RIPOR3: variants seen among roughly 807,000 people sequenced by gnomAD.
The protein encoded by RIPOR3 is RIPOR family member 3.
In RIPOR3, 95 loss-of-function variants were observed where a neutral mutation model predicts 114.3. That is an observed-to-expected ratio of 0.83 (90% CI 0.70 to 0.99). The LOEUF is 0.99. RIPOR3 is among the 50% of genes least tolerant of loss of function. The pLI, the probability that RIPOR3 is intolerant of heterozygous loss-of-function variation, is 0.00. For synonymous variants in RIPOR3, 575 were observed against 543.8 expected, an observed-to-expected ratio of 1.06 and a Z score of -0.80; for missense variants, 1,252 against 1,266.9, an observed-to-expected ratio of 0.99 and a Z score of 0.18.
In RIPOR3 at chr20:50,609,321, G is replaced by T; in HGVS notation, c.612C>A (p.His204Gln). Residue 204 changes from histidine to glutamine, a missense_variant, in exon 8 of 22, where the codon CAC becomes CAA. His to Gln is a conservative substitution (Grantham distance 24). Coordinates refer to ENST00000327979, the MANE Select transcript of RIPOR3 (RefSeq NM_001290268.2). ...MWLIEGALEV[H>Q]LGEFHIRMKG... is the part of the protein sequence containing the mutation. The stretch of plus-strand genomic sequence containing the variant: ...TCATCCTGATGTGGAACTCGCCCAG[G>T]TGAACCTCCAGGGCCCCCTCGATGA... 1 of 1,613,928 alleles carries T rather than the reference G, an allele frequency of 6.2e-7. No individual in the cohort carries two copies.
chr20:50,666,759 C>T (rs1164784172), intron 1 of RIPOR3, among the ~76,000 whole-genome samples: 1 of 151,808 alleles, frequency 6.6e-6, no homozygotes, highest in Non-Finnish European at 1.5e-5. Context: ...TGGGGTTTCA[C>T]CATGTTGGCC....
At chr20:50,613,051 C>T (rs573695821) in intron 4 of RIPOR3, among the ~76,000 whole-genome samples, 3 of 152,296 alleles carry the variant, frequency 2.0e-5, no homozygotes, top group East Asian at 3.9e-4. Context: ...TATGATCGTA[C>T]CACTGCACTT....
At position 50,602,815 on chromosome 20, in the gene RIPOR3, CT is replaced by C. The variant is rs2083555443; in HGVS notation, c.1087-172del. ...AGGTGCAGAAAAAACCCTGTCCCCTCTCTGCACTTATCCCCCATCCCGCCTC... is the reference window on the plus strand; with the variant it reads ...AGGTGCAGAAAAAACCCTGTCCCCTCCTGCACTTATCCCCCATCCCGCCTC... On this transcript the variant is annotated intron_variant, in intron 12 of 21. Coordinates refer to ENST00000327979, the MANE Select transcript of RIPOR3 (RefSeq NM_001290268.2). The surrounding 1 kb of genome is among the most constrained non-coding windows in gnomAD (Gnocchi z 4.3). Among the ~76,000 whole-genome samples, 1 of 152,222 alleles carries C rather than the reference CT, an allele frequency of 6.6e-6. No homozygotes were observed. The highest frequency in any genetic ancestry group is 2.4e-5 in the African/African-American group (1 of 41,462).
At chr20:50,654,105 G>A (rs960373631) in intron 1 of RIPOR3, 3 of 152,006 alleles carry the variant, frequency 2.0e-5, no homozygotes, top group African/African-American at 7.2e-5. Flanking sequence ...TCCTTGTCTG[G>A]TGTTTGTCAC....
chr20:50,608,781 G>A, intron 9 of RIPOR3, 43 bp from the exon 10 acceptor site: 4 of 1,612,666 alleles, frequency 2.5e-6, no homozygotes, highest in Non-Finnish European at 3.4e-6. Context: ...CCAGGTGGGT[G>A]TCCCCTTGCT....
chr20:50,592,221 A>T, intron 19 of RIPOR3, 123 bp downstream of exon 19: 1 of 1,024,468 alleles, frequency 9.8e-7, no homozygotes, highest in Non-Finnish European at 1.4e-6. Context: ...TCCCTCCATC[A>T]AAATAGCTCA....
At chr20:50,622,284 C>T (rs767753562) in intron 2 of RIPOR3, among the ~76,000 whole-genome samples, 13 of 151,552 alleles carry the variant, frequency 8.6e-5, no homozygotes, top group East Asian at 7.8e-4. Flanking sequence ...TGGGTTCAAG[C>T]GATTCTCCTG....
intron 1 of RIPOR3, among the ~76,000 whole-genome samples, chr20:50,647,564 G>T (rs1295812143): frequency 7.1e-6 from 1 of 139,928 alleles, no homozygotes; most frequent in African/African-American, 2.7e-5. Context: ...CTCACTGCAA[G>T]CTCCGCCTCC....
intron 1 of RIPOR3, among the ~76,000 whole-genome samples, chr20:50,647,996 C>A (rs893574819): frequency 1.3e-5 from 2 of 152,010 alleles, no homozygotes; most frequent in African/African-American, 4.8e-5. Context: ...AGGGTAGTGG[C>A]CAGGCGCGGT....
intron 2 of RIPOR3, among the ~76,000 whole-genome samples, chr20:50,623,128 G>T (rs1015680962): frequency 2.3e-4 from 35 of 152,060 alleles, no homozygotes; most frequent in Admixed American, 9.2e-4. Flanking sequence ...AGGCGTGGTG[G>T]TGGACACCTG....
chr20:50,687,884 C>G (rs1300148838), intron 1 of RIPOR3, among the ~76,000 whole-genome samples: 1 of 148,240 alleles, frequency 6.7e-6, no homozygotes, highest in African/African-American at 2.5e-5. Context: ...GCCTAGGCAA[C>G]AGAGTGTGAC....
At position 50,679,296 on chromosome 20, in the gene RIPOR3, T is replaced by A. The variant is rs189906830; in HGVS notation, c.3+11830A>T. Among the ~76,000 whole-genome samples the A allele has an allele frequency of 6.0e-4, 89 of 149,576 alleles. 1 individual carries two copies. In the East Asian group the frequency reaches 0.016, roughly 28 times the overall value. ...TATGGTTAAAAAAAAGAATAAAATT[T>A]AAAAAAGAGGCACCAAGAAGTGAAG... On this transcript the variant is annotated intron_variant, in intron 1 of 21. Transcript: ENST00000327979.
chr20:50,621,901 T>C (rs953219815), intron 2 of RIPOR3, among the ~76,000 whole-genome samples: 2 of 152,210 alleles, frequency 1.3e-5, no homozygotes, highest in Non-Finnish European at 2.9e-5. Context: ...TTTAGAGATG[T>C]AGCAGCATCT....
intron 1 of RIPOR3, among the ~76,000 whole-genome samples, chr20:50,641,490 C>T (rs1287668555): frequency 6.6e-6 from 1 of 152,194 alleles, no homozygotes; most frequent in East Asian, 1.9e-4. Flanking sequence ...TGAAGCAGTC[C>T]TCCCACCTCA....
At chr20:50,683,887 C>T (rs934347930) in intron 1 of RIPOR3, among the ~76,000 whole-genome samples, 2 of 151,910 alleles carry the variant, frequency 1.3e-5, no homozygotes, top group Admixed American at 6.6e-5. Context: ...TCAAGACCAA[C>T]GTGGCCAACA....
intron 1 of RIPOR3, among the ~76,000 whole-genome samples, chr20:50,663,759 T>G (rs1325955429): frequency 1.3e-5 from 2 of 152,186 alleles, no homozygotes; most frequent in Admixed American, 6.5e-5. Context: ...CCTAGATTGG[T>G]GCCAGCCATT....
At position 50,602,585 on chromosome 20, in the gene RIPOR3, G is replaced by A; in HGVS notation, c.1146C>T (p.Ser382=). ...ALLLGGPRAT[S]ILSYLSDSDL... Reference sequence around the variant, plus strand: ...CGCTGTCAGACAGGTAGCTGAGGATGGAGGTGGCCCTTGGGCCACCCAGCA... The same window carrying A: ...CGCTGTCAGACAGGTAGCTGAGGATAGAGGTGGCCCTTGGGCCACCCAGCA... The change falls in exon 13 of 22, where the codon TCC becomes TCT. Residue 382 remains serine (S), a synonymous_variant. Coordinates refer to ENST00000327979, the MANE Select transcript of RIPOR3 (RefSeq NM_001290268.2). This position sits in a 1 kb window ranked among gnomAD's most constrained non-coding sequence, Gnocchi z 4.3. 1 of 1,522,124 alleles carries A rather than the reference G, an allele frequency of 6.6e-7. No individual in the cohort carries two copies. Among genetic ancestry groups the A allele is most frequent in the Non-Finnish European group, 8.8e-7 (1 of 1,137,188 alleles). The allele number at this position is 1,522,124 out of a possible 1,614,324, so 94.3% of individuals were successfully genotyped here.
At chr20:50,685,813 CTG>C (rs1463868969) in intron 1 of RIPOR3, among the ~76,000 whole-genome samples, 1 of 60,500 alleles carries the variant, frequency 1.7e-5, no homozygotes, top group African/African-American at 6.7e-5. Flanking sequence ...GAACGAGACT[CTG>C]TCTCAAAAAA....
rs867961190 is a variant in RIPOR3, at chr20:50,616,073, G to C, written c.277C>G (p.Leu93Val). The part of the protein sequence containing the change: ...EALKRGLKEY[L>V]CVQQAELDHL... Reference sequence around the variant, plus strand: ...TCCAGCTCAGCCTGCTGCACACACAGATACTCCCTGCAAGGAAAGCAAGGA... The same window carrying C: ...TCCAGCTCAGCCTGCTGCACACACACATACTCCCTGCAAGGAAAGCAAGGA... The change falls in exon 4 of 22, where the codon CTG becomes GTG. Residue 93 changes from leucine (L) to valine (V), a missense_variant. Physicochemically the swap from Leu to Val is conservative, Grantham distance 32. Transcript: ENST00000327979. 1.9e-6 allele frequency: 3 copies of C among 1,611,554 alleles called. No individual in the cohort carries two copies. The highest frequency in any genetic ancestry group is 2.2e-5 in the East Asian group (1 of 44,850).
Sources: gnomAD v4.1 joint callset for allele counts (sites outside exome capture counted in the v4.1 genomes callset) on GRCh38, gnomAD v4.1.1 for gene constraint, Gnocchi (gnomAD v3.1) non-coding constraint, MANE v1.5 for transcripts, NCBI Gene and HGNC (gene_info 2026-07-23, HGNC 2026-07-21) for gene names.